COBL: variants seen among roughly 807,000 people sequenced by gnomAD.
COBL encodes cordon-bleu WH2 repeat protein.
Under a neutral mutation model 98.8 loss-of-function variants are expected in COBL, and 51 were observed. That is an observed-to-expected ratio of 0.52 (90% CI 0.41 to 0.65). COBL has a LOEUF of 0.65. COBL is among the 30% of genes least tolerant of loss of function. COBL has a pLI of 0.00. For missense variants in COBL, 1,617 were observed against 1,617.5 expected, an observed-to-expected ratio of 1.00 and a Z score of 0.01; for synonymous variants, 634 against 651.7, an observed-to-expected ratio of 0.97 and a Z score of 0.41.
chr7:51,141,814 A>G (rs1206739365), intron 5 of COBL, among the ~76,000 whole-genome samples: 1 of 152,150 alleles, frequency 6.6e-6, no homozygotes, highest in Non-Finnish European at 1.5e-5. Context: ...AGAGCAGCTC[A>G]GGTCTGTCAA....
intron 7 of COBL, among the ~76,000 whole-genome samples, chr7:51,062,973 T>C (rs949437573): frequency 6.6e-6 from 1 of 152,172 alleles, no homozygotes; most frequent in African/African-American, 2.4e-5. Flanking sequence ...CGCTCTGCAC[T>C]GCAGGGCAGG....
Position 51,030,841 on chromosome 7 carries a change from G to T in COBL, c.1475C>A (p.Thr492Asn), listed in dbSNP as rs1038713154. The change falls in exon 9 of 13, where the codon ACC (threonine) becomes AAC (asparagine). Residue 492 changes from threonine to asparagine, a missense_variant. This residue lies in a region of COBL where 1,304 missense variants were observed against 1,282.0 expected (regional missense o/e 1.02). Coordinates refer to ENST00000265136, the MANE Select transcript of COBL (RefSeq NM_015198.5). ...DLLIAGEFRK[T>N]LAELDEDLEE... The stretch of plus-strand genomic sequence containing the variant: ...CAGGTCTTCATCAAGTTCTGCAAGG[G>T]TTTTACGGAACTCTCCAGCAATTAA... 8.1e-6 allele frequency: 13 copies of T among 1,612,020 alleles called. No individual in the cohort carries two copies. The East Asian group carries it at 2.7e-4, about 33-fold the overall frequency.
At chr7:51,095,950 A>G (rs1317663789) in intron 6 of COBL, among the ~76,000 whole-genome samples, 1 of 152,202 alleles carries the variant, frequency 6.6e-6, no homozygotes, top group Non-Finnish European at 1.5e-5. Context: ...AGGATATTTC[A>G]ATGCTCCACT....
intron 1 of COBL, among the ~76,000 whole-genome samples, chr7:51,234,513 C>T (rs1259046249): frequency 6.6e-6 from 1 of 152,094 alleles, no homozygotes; most frequent in Non-Finnish European, 1.5e-5. Context: ...CCAGCCTGGG[C>T]AACACAGAAA....
chr7:51,155,502 A>C (rs565936937), intron 5 of COBL, among the ~76,000 whole-genome samples: 11 of 149,526 alleles, frequency 7.4e-5, no homozygotes, highest in African/African-American at 2.7e-4. Context: ...AGGCAGGAGA[A>C]TCATTTGAAC....
chr7:51,223,386 G>C (rs1793849730), intron 1 of COBL, among the ~76,000 whole-genome samples: 1 of 152,224 alleles, frequency 6.6e-6, no homozygotes, highest in African/African-American at 2.4e-5. Flanking sequence ...ATGATGCCTG[G>C]ACATCTTCAC....
intron 5 of COBL, among the ~76,000 whole-genome samples, chr7:51,153,213 G>A (rs937110291): frequency 2.6e-5 from 4 of 152,100 alleles, no homozygotes; most frequent in African/African-American, 7.2e-5. Context: ...CACATCACTG[G>A]CATCATACAA....
At chr7:51,256,970 G>A (rs1404374448) in intron 1 of COBL, among the ~76,000 whole-genome samples, 1 of 151,970 alleles carries the variant, frequency 6.6e-6, no homozygotes, top group Non-Finnish European at 1.5e-5. Flanking sequence ...AAATATACAC[G>A]AGACTTGAAC....
intron 5 of COBL, among the ~76,000 whole-genome samples, chr7:51,183,587 CAT>C (rs1294334436): frequency 6.6e-6 from 1 of 152,162 alleles, no homozygotes; most frequent in Non-Finnish European, 1.5e-5. Flanking sequence ...TAACTTATCA[CAT>C]AGTACATTCC....
At chr7:51,083,116 CT>C in intron 7 of COBL, 1 of 1,532,802 alleles carries the variant, frequency 6.5e-7, no homozygotes, top group Non-Finnish European at 8.7e-7. Flanking sequence ...AGCTGAGAGG[CT>C]CCACCACGTC....
At chr7:51,238,443 G>A (rs1464049868) in intron 1 of COBL, among the ~76,000 whole-genome samples, 1 of 152,086 alleles carries the variant, frequency 6.6e-6, no homozygotes, top group African/African-American at 2.4e-5. Flanking sequence ...CATTTCCCCT[G>A]TGAAAACCTC....
intron 1 of COBL, among the ~76,000 whole-genome samples, chr7:51,231,957 G>A (rs1794796873): frequency 6.6e-6 from 1 of 152,178 alleles, no homozygotes; most frequent in South Asian, 2.1e-4. Context: ...CCAGGCCTGA[G>A]CTCCTGCCAT....
intron 5 of COBL, among the ~76,000 whole-genome samples, chr7:51,181,600 A>G (rs1788961278): frequency 6.6e-6 from 1 of 152,212 alleles, no homozygotes; most frequent in Non-Finnish European, 1.5e-5. Context: ...GCATTCCCCA[A>G]GGCAAACGAA....
At chr7:51,295,888 G>A (rs1198291722) in intron 1 of COBL, among the ~76,000 whole-genome samples, 3 of 152,160 alleles carry the variant, frequency 2.0e-5, no homozygotes, top group Non-Finnish European at 4.4e-5. Context: ...TAATCCCTAA[G>A]CTACTATTTA....
intron 1 of COBL, among the ~76,000 whole-genome samples, chr7:51,243,793 G>C (rs1796036904): frequency 6.6e-6 from 1 of 151,958 alleles, no homozygotes; most frequent in African/African-American, 2.4e-5. Context: ...GGGAGGTCTT[G>C]GGGTGAAGGA....
intron 6 of COBL, among the ~76,000 whole-genome samples, chr7:51,132,787 G>C (rs577220459): frequency 6.6e-6 from 1 of 152,118 alleles, no homozygotes; most frequent in Non-Finnish European, 1.5e-5. Context: ...AGGCAAAGGC[G>C]GATTAGGCAT....
chr7:51,179,767 CA>C (rs1788756959), intron 5 of COBL, among the ~76,000 whole-genome samples: 1 of 151,902 alleles, frequency 6.6e-6, no homozygotes, highest in Admixed American at 6.6e-5. Context: ...TTGAACAACG[CA>C]AAAAGAAAAA....
chr7:51,140,478 A>G (rs1302465903), intron 5 of COBL, among the ~76,000 whole-genome samples: 2 of 152,220 alleles, frequency 1.3e-5, no homozygotes, highest in African/African-American at 4.8e-5. Flanking sequence ...ATCTGCCACA[A>G]GTGCTTTTGA....
intron 6 of COBL, among the ~76,000 whole-genome samples, chr7:51,129,363 C>G (rs1414823698): frequency 6.6e-6 from 1 of 151,752 alleles, no homozygotes; most frequent in Non-Finnish European, 1.5e-5. Context: ...GGACACTAAT[C>G]CCATCATGAG....
Sources: gnomAD v4.1 joint callset for allele counts (sites outside exome capture counted in the v4.1 genomes callset) on GRCh38, gnomAD v4.1.1 for gene constraint, gnomAD v4.1.1 regional missense constraint, MANE v1.5 for transcripts, NCBI Gene and HGNC (gene_info 2026-07-23, HGNC 2026-07-21) for gene names.